The following UNC5D variants were observed in gnomAD, a reference collection of about 807,000 sequenced individuals.
UNC5D encodes the protein netrin receptor UNC5D.
Under a neutral mutation model 105.4 loss-of-function variants are expected in UNC5D, and 39 were observed. The observed-to-expected ratio is 0.37, with a 90% CI of 0.29 to 0.48. The LOEUF (loss-of-function observed/expected upper bound fraction) is 0.48. Ranked by LOEUF, UNC5D falls within the 20% of genes least tolerant of loss-of-function variation. The probability of loss-of-function intolerance (pLI) is 0.98; values close to 1 mark genes in which losing one functional copy is unlikely to be tolerated. For synonymous variants in UNC5D, 452 were observed against 450.4 expected, an observed-to-expected ratio of 1.00 and a Z score of -0.04; for missense variants, 991 against 1,202.4, an observed-to-expected ratio of 0.82 and a Z score of 2.60.
intron 1 of UNC5D, among the ~76,000 whole-genome samples, chr8:35,485,161 A>G (rs1810745168): frequency 6.6e-6 from 1 of 152,152 alleles, no homozygotes; most frequent in Non-Finnish European, 1.5e-5. Flanking sequence ...AACACAAAGA[A>G]AGCAGGACAG....
In UNC5D at chr8:35,726,549, T is replaced by G. The variant is rs1468498624; in HGVS notation, c.1681+20T>G. 2 of 1,602,872 alleles carry G rather than the reference T, an allele frequency of 1.2e-6. No homozygotes were observed. The highest frequency in any genetic ancestry group is 1.1e-5 in the South Asian group (1 of 90,700). On this transcript the variant is annotated intron_variant, in intron 10 of 16. Coordinates refer to ENST00000404895, the MANE Select transcript of UNC5D (RefSeq NM_080872.4). ...ATACAGGTGGGTGGTAAGTGTGTGTTTGTGTATTTTCCATCATTTAAATGT... is the reference window on the plus strand; with the variant it reads ...ATACAGGTGGGTGGTAAGTGTGTGTGTGTGTATTTTCCATCATTTAAATGT...
intron 8 of UNC5D, among the ~76,000 whole-genome samples, chr8:35,707,395 G>A (rs1236822699): frequency 6.6e-6 from 1 of 152,102 alleles, no homozygotes. Flanking sequence ...TTAAGTATTG[G>A]TCCTCTGACA....
intron 8 of UNC5D, among the ~76,000 whole-genome samples, chr8:35,707,164 G>C (rs1383203863): frequency 6.6e-6 from 1 of 152,168 alleles, no homozygotes; most frequent in Admixed American, 6.5e-5. Context: ...AAGACCCTGT[G>C]AGGATAGACA....
At chr8:35,535,503 A>C (rs1814768580) in intron 1 of UNC5D, among the ~76,000 whole-genome samples, 1 of 151,730 alleles carries the variant, frequency 6.6e-6, no homozygotes, top group Non-Finnish European at 1.5e-5. Context: ...GTACAACAGC[A>C]GATCTTCCAG....
intron 1 of UNC5D, among the ~76,000 whole-genome samples, chr8:35,534,014 G>T (rs1393216648): frequency 1.3e-5 from 2 of 148,262 alleles, no homozygotes; most frequent in Non-Finnish European, 3.0e-5. Context: ...CTTCTGCGTC[G>T]CTCACGCTGG....
intron 1 of UNC5D, among the ~76,000 whole-genome samples, chr8:35,446,011 A>T (rs988463709): frequency 7.2e-5 from 11 of 151,848 alleles, no homozygotes; most frequent in Non-Finnish European, 1.2e-4. Context: ...TTTTTCTTAA[A>T]TTTTTTATTT....
At chr8:35,339,764 G>A (rs1563326652) in intron 1 of UNC5D, among the ~76,000 whole-genome samples, 1 of 152,118 alleles carries the variant, frequency 6.6e-6, no homozygotes, top group Non-Finnish European at 1.5e-5. Context: ...GTTTATCTGG[G>A]GAGCCAGCAC....
At chr8:35,451,446 A>T (rs1225837156) in intron 1 of UNC5D, among the ~76,000 whole-genome samples, 2 of 152,138 alleles carry the variant, frequency 1.3e-5, no homozygotes, top group Admixed American at 1.3e-4. Flanking sequence ...ATATATTAAG[A>T]CATTGAGTCT....
intron 3 of UNC5D, among the ~76,000 whole-genome samples, chr8:35,570,829 A>G (rs780972602): frequency 6.6e-6 from 1 of 151,894 alleles, no homozygotes; most frequent in Non-Finnish European, 1.5e-5. Context: ...ATGGTGGCAT[A>G]TGCCTATAAT....
rs555300475 is a variant in UNC5D, at chr8:35,492,109, T to C, written c.104-57183T>C. Reference sequence around the variant, plus strand: ...ATCACTTTTCTTCTTTTTTTTTTTTTCCCTGCCTTTCCTAGGGTCCAAATG... The same window carrying C: ...ATCACTTTTCTTCTTTTTTTTTTTTCCCCTGCCTTTCCTAGGGTCCAAATG... On this transcript the variant is annotated intron_variant, in intron 1 of 16. Transcript: ENST00000404895. 3.6e-4 allele frequency among the ~76,000 whole-genome samples: 54 copies of C among 151,896 alleles called. 1 individual carries two copies. The highest frequency in any genetic ancestry group is 4.6e-4 in the African/African-American group (19 of 41,470).
intron 1 of UNC5D, among the ~76,000 whole-genome samples, chr8:35,429,228 CTTT>C (rs1806460492): frequency 6.6e-6 from 1 of 152,062 alleles, no homozygotes; most frequent in South Asian, 2.1e-4. Flanking sequence ...GTGGGTTAGT[CTTT>C]TTAAGAGGTC....
chr8:35,263,190 A>G (rs1341931636), intron 1 of UNC5D, among the ~76,000 whole-genome samples: 2 of 152,178 alleles, frequency 1.3e-5, no homozygotes, highest in Non-Finnish European at 2.9e-5. Flanking sequence ...CCCATTTTAA[A>G]GGTGAAAACC....
At chr8:35,562,044 C>T (rs1439747397) in intron 2 of UNC5D, among the ~76,000 whole-genome samples, 3 of 152,146 alleles carry the variant, frequency 2.0e-5, no homozygotes, top group Admixed American at 6.5e-5. Flanking sequence ...CCCTTCTTGG[C>T]CTCTGGTAAC....
intron 1 of UNC5D, among the ~76,000 whole-genome samples, chr8:35,298,531 CTT>C (rs1237761320): frequency 3.6e-5 from 5 of 139,864 alleles, no homozygotes; most frequent in African/African-American, 8.0e-5. Flanking sequence ...CCACCTGACT[CTT>C]TGTCAGAATA....
At chr8:35,327,646 A>G (rs1224037599) in intron 1 of UNC5D, among the ~76,000 whole-genome samples, 3 of 152,094 alleles carry the variant, frequency 2.0e-5, no homozygotes, top group African/African-American at 4.8e-5. Flanking sequence ...GGGGATCTGG[A>G]AAGTTGATCC....
At chr8:35,770,926 G>A (rs73578265) in intron 15 of UNC5D, among the ~76,000 whole-genome samples, 6,140 of 152,210 alleles carry the variant, frequency 0.04, 418 homozygotes, top group African/African-American at 0.14. Flanking sequence ...GATGTGCAGA[G>A]CATGAAGATC....
chr8:35,625,213 T>A (rs192674285), intron 4 of UNC5D, among the ~76,000 whole-genome samples: 5 of 152,226 alleles, frequency 3.3e-5, no homozygotes, highest in African/African-American at 1.2e-4. Flanking sequence ...TTATAAAATA[T>A]CTTTAAAACT....
intron 16 of UNC5D, among the ~76,000 whole-genome samples, chr8:35,785,940 C>A (rs1802722781): frequency 1.3e-5 from 2 of 152,064 alleles, no homozygotes; most frequent in South Asian, 4.2e-4. Flanking sequence ...TATTATCCCC[C>A]TTATAAGGTT....
intron 1 of UNC5D, among the ~76,000 whole-genome samples, chr8:35,526,905 C>T (rs1352279856): frequency 1.3e-5 from 2 of 152,120 alleles, no homozygotes; most frequent in Non-Finnish European, 2.9e-5. Flanking sequence ...GGTCTTCCTC[C>T]TTGACCCTGT....
Sources: allele counts gnomAD v4.1 joint callset (sites outside exome capture counted in the v4.1 genomes callset), GRCh38; gene constraint gnomAD v4.1.1; transcripts MANE v1.5; gene names NCBI Gene and HGNC (gene_info 2026-07-23, HGNC 2026-07-21).